Variants in MACROD2 observed in about 807,000 individuals in gnomAD.
MACROD2 encodes the protein ADP-ribose glycohydrolase MACROD2.
A neutral mutation model predicts 70.4 loss-of-function variants in MACROD2; 36 were observed. The ratio of observed to expected loss-of-function variants is 0.51; its 90% CI spans 0.39 to 0.68. The LOEUF (loss-of-function observed/expected upper bound fraction) is 0.68. Ranked by LOEUF, MACROD2 falls within the 30% of genes least tolerant of loss-of-function variation. The pLI is 0.00. For synonymous variants in MACROD2, 172 were observed against 178.8 expected (o/e 0.96, Z 0.30); for missense variants, 496 against 538.4 (o/e 0.92, Z 0.78).
Position 14,328,041 on chromosome 20 carries a change from G to A in MACROD2, c.272-165438G>A, listed in dbSNP as rs553403686. 1.4e-4 allele frequency among the ~76,000 whole-genome samples: 22 copies of A among 152,086 alleles called. No homozygotes were observed. The East Asian group carries it at 3.5e-3, about 24-fold the overall frequency. On this transcript the variant is annotated intron_variant, in intron 3 of 17. Coordinates refer to ENST00000684519, the MANE Select transcript of MACROD2 (RefSeq NM_001351661.2). ...TTTATTAGGCAAAAACTATACAGGT[G>A]TAGAAAAATGTCATAAAAATACCTA...
At chr20:14,174,240 A>G (rs1182010376) in intron 3 of MACROD2, among the ~76,000 whole-genome samples, 3 of 152,066 alleles carry the variant, frequency 2.0e-5, no homozygotes, top group Admixed American at 1.3e-4. Flanking sequence ...CCAAGGGATT[A>G]TGTCCTTTGT....
intron 4 of MACROD2, among the ~76,000 whole-genome samples, chr20:14,623,323 A>G (rs1983942226): frequency 6.6e-6 from 1 of 152,140 alleles, no homozygotes; most frequent in Non-Finnish European, 1.5e-5. Flanking sequence ...AATTGGGAGC[A>G]TATATGTTGG....
At chr20:15,249,884 G>A (rs2077139751) in intron 6 of MACROD2, among the ~76,000 whole-genome samples, 2 of 152,164 alleles carry the variant, frequency 1.3e-5, no homozygotes, top group South Asian at 4.1e-4. Context: ...AAATAATTGT[G>A]GTTATTTAAG....
At chr20:15,635,653 G>T (rs2049352534) in intron 8 of MACROD2, among the ~76,000 whole-genome samples, 1 of 152,128 alleles carries the variant, frequency 6.6e-6, no homozygotes, top group Admixed American at 6.5e-5. Flanking sequence ...CACAATTGAT[G>T]GGACCACTCA....
intron 6 of MACROD2, among the ~76,000 whole-genome samples, chr20:15,340,110 TTTTCTTTCTTTC>T (rs1300054535): frequency 4.6e-5 from 5 of 108,426 alleles, no homozygotes; most frequent in Non-Finnish European, 7.3e-5. Flanking sequence ...TCTTTTTCTT[TTTTCTTTCTTTC>T]TTTCTTTCTT....
chr20:14,705,693 T>C (rs1568749389), intron 5 of MACROD2, among the ~76,000 whole-genome samples: 1 of 152,230 alleles, frequency 6.6e-6, no homozygotes, highest in Non-Finnish European at 1.5e-5. Flanking sequence ...TGTTGGGAAG[T>C]AGAAGTTATA....
At chr20:15,358,712 A>G (rs2078317251) in intron 6 of MACROD2, among the ~76,000 whole-genome samples, 1 of 152,224 alleles carries the variant, frequency 6.6e-6, no homozygotes, top group Non-Finnish European at 1.5e-5. Context: ...TAAGAAGTCC[A>G]AGATCAAGAT....
Position 15,451,584 on chromosome 20 carries a change from C to T in MACROD2, c.571+20149C>T, listed in dbSNP as rs573886186. The stretch of plus-strand genomic sequence containing the variant: ...GCCAAGCAGTCTGAGAGAAGACTAG[C>T]GGTAATTGGCAATCCAGTTCTCCAT... On this transcript the variant is annotated intron_variant, in intron 7 of 17. Coordinates refer to ENST00000684519, the MANE Select transcript of MACROD2 (RefSeq NM_001351661.2). Among the ~76,000 whole-genome samples the T allele has an allele frequency of 1.4e-4, 21 of 152,050 alleles. No individual in the cohort carries two copies. The Middle Eastern group carries it at 0.01, about 74-fold the overall frequency.
intron 2 of MACROD2, among the ~76,000 whole-genome samples, chr20:14,026,694 G>A (rs2053172228): frequency 6.6e-6 from 1 of 152,132 alleles, no homozygotes; most frequent in South Asian, 2.1e-4. Flanking sequence ...TGGCTTGTAG[G>A]GTTTCTGCAG....
At chr20:14,059,063 T>G (rs1025717825) in intron 2 of MACROD2, among the ~76,000 whole-genome samples, 5 of 152,318 alleles carry the variant, frequency 3.3e-5, no homozygotes, top group Middle Eastern at 3.4e-3. Context: ...TTAATTCTCC[T>G]GAAAACTATT....
intron 8 of MACROD2, among the ~76,000 whole-genome samples, chr20:15,842,892 A>G (rs1046901502): frequency 2.0e-5 from 3 of 152,176 alleles, no homozygotes; most frequent in African/African-American, 7.2e-5. Context: ...TTGATAAGCT[A>G]GGTGATTAAC....
At chr20:15,571,303 C>A (rs556393178) in intron 8 of MACROD2, among the ~76,000 whole-genome samples, 1 of 152,158 alleles carries the variant, frequency 6.6e-6, no homozygotes, top group East Asian at 1.9e-4. Flanking sequence ...GAGGTTGAGA[C>A]AGAAATGATT....
intron 6 of MACROD2, among the ~76,000 whole-genome samples, chr20:15,331,805 CAT>C (rs1457104242): frequency 6.6e-6 from 1 of 151,458 alleles, no homozygotes; most frequent in African/African-American, 2.4e-5. Flanking sequence ...TATATGCAAA[CAT>C]ACACACACAT....
intron 5 of MACROD2, among the ~76,000 whole-genome samples, chr20:15,142,480 CA>C (rs1463249843): frequency 1.6e-4 from 24 of 151,914 alleles, no homozygotes; most frequent in African/African-American, 5.8e-4. Context: ...TTTTCATAGG[CA>C]TTTTTTTGTT....
At chr20:15,511,293 G>A (rs2047495763) in intron 8 of MACROD2, among the ~76,000 whole-genome samples, 1 of 152,190 alleles carries the variant, frequency 6.6e-6, no homozygotes, top group African/African-American at 2.4e-5. Flanking sequence ...TAAGACATAT[G>A]AATTCTCTTT....
intron 4 of MACROD2, among the ~76,000 whole-genome samples, chr20:14,560,096 G>A (rs985773962): frequency 6.6e-6 from 1 of 151,774 alleles, no homozygotes; most frequent in African/African-American, 2.4e-5. Flanking sequence ...ATTTTCACCA[G>A]CCAAAGATTT....
chr20:14,902,195 T>A (rs1022980538), intron 5 of MACROD2, among the ~76,000 whole-genome samples: 1 of 152,208 alleles, frequency 6.6e-6, no homozygotes, highest in African/African-American at 2.4e-5. Flanking sequence ...ACAATTTTTT[T>A]TAAATCAAAT....
intron 3 of MACROD2, among the ~76,000 whole-genome samples, chr20:14,492,032 G>A (rs139036860): frequency 2.6e-5 from 4 of 152,250 alleles, no homozygotes; most frequent in East Asian, 3.9e-4. Context: ...CCACTAAAGG[G>A]TATGAGACCA....
At chr20:14,682,319 T>G (rs1267420812) in intron 4 of MACROD2, among the ~76,000 whole-genome samples, 2 of 152,142 alleles carry the variant, frequency 1.3e-5, no homozygotes, top group African/African-American at 4.8e-5. Flanking sequence ...AAATTAGGAC[T>G]TAATTTTTCC....
Sources: gnomAD v4.1 joint callset for allele counts (sites outside exome capture counted in the v4.1 genomes callset) on GRCh38, gnomAD v4.1.1 for gene constraint, MANE v1.5 for transcripts, NCBI Gene and HGNC (gene_info 2026-07-23, HGNC 2026-07-21) for gene names.